The following ADARB2 variants were observed in gnomAD, a reference collection of about 807,000 sequenced individuals.
The protein encoded by ADARB2 is inactive double-stranded RNA-specific editase B2.
ADARB2 carries 25 observed loss-of-function variants against 62.2 expected under a neutral mutation model. That is an observed-to-expected ratio of 0.40 (90% confidence interval 0.29 to 0.56). The LOEUF is 0.56. ADARB2 is among the 20% of genes least tolerant of loss of function. ADARB2 has a pLI of 0.43. For synonymous variants in ADARB2, 572 were observed against 500.8 expected (o/e 1.14, Z -1.90); for missense variants, 1,071 against 1,077.4 (o/e 0.99, Z 0.08).
intron 1 of ADARB2, among the ~76,000 whole-genome samples, chr10:1,431,785 C>A (rs769494755): frequency 6.6e-6 from 1 of 152,070 alleles, no homozygotes; most frequent in African/African-American, 2.4e-5. Context: ...TACTACAGAA[C>A]GTGTAGTTTT....
intron 1 of ADARB2, among the ~76,000 whole-genome samples, chr10:1,724,308 C>T (rs1400651510): frequency 6.6e-6 from 1 of 152,220 alleles, no homozygotes; most frequent in Non-Finnish European, 1.5e-5. Flanking sequence ...TCTTGCCTGG[C>T]TAATTATTCT....
intron 1 of ADARB2, among the ~76,000 whole-genome samples, chr10:1,507,063 G>C (rs1831861762): frequency 6.6e-6 from 1 of 152,232 alleles, no homozygotes; most frequent in Non-Finnish European, 1.5e-5. Context: ...CACCCAGTCT[G>C]TGCCCCGCTG....
At chr10:1,658,979 T>C (rs1304981537) in intron 1 of ADARB2, among the ~76,000 whole-genome samples, 2 of 152,230 alleles carry the variant, frequency 1.3e-5, no homozygotes, top group Non-Finnish European at 2.9e-5. Flanking sequence ...TTCTGTTCAA[T>C]TGAATTCACT....
intron 1 of ADARB2, among the ~76,000 whole-genome samples, chr10:1,728,472 C>G (rs143445714): frequency 6.6e-6 from 1 of 152,140 alleles, no homozygotes; most frequent in Non-Finnish European, 1.5e-5. Context: ...TTTGAATAAA[C>G]GCTTTTGTGC....
intron 1 of ADARB2, among the ~76,000 whole-genome samples, chr10:1,412,885 G>T (rs1179161386): frequency 6.6e-6 from 1 of 152,236 alleles, no homozygotes; most frequent in Non-Finnish European, 1.5e-5. Context: ...CACCCGCAGT[G>T]TTTTTGTGAC....
chr10:1,332,429 A>T (rs1564259977), intron 3 of ADARB2, among the ~76,000 whole-genome samples: 1 of 149,250 alleles, frequency 6.7e-6, no homozygotes, highest in East Asian at 1.9e-4. Context: ...AAAAAAAAAA[A>T]AATAAATAAA....
chr10:1,566,037 T>C (rs1832856905), intron 1 of ADARB2, among the ~76,000 whole-genome samples: 1 of 143,076 alleles, frequency 7.0e-6, no homozygotes, highest in East Asian at 2.0e-4. Flanking sequence ...CATCGTTACT[T>C]CTCCTCTAGG....
At chr10:1,725,719 G>C (rs763496228) in intron 1 of ADARB2, among the ~76,000 whole-genome samples, 1 of 152,244 alleles carries the variant, frequency 6.6e-6, no homozygotes, top group Non-Finnish European at 1.5e-5. Flanking sequence ...AATGTCCTCA[G>C]CCGCAGATGC....
intron 1 of ADARB2, among the ~76,000 whole-genome samples, chr10:1,697,416 A>G (rs974918497): frequency 6.6e-6 from 1 of 152,234 alleles, no homozygotes; most frequent in Non-Finnish European, 1.5e-5. Context: ...CGAGACAGAC[A>G]CAGAGAACAC....
intron 1 of ADARB2, among the ~76,000 whole-genome samples, chr10:1,724,755 C>A (rs915331959): frequency 2.0e-5 from 3 of 152,190 alleles, no homozygotes; most frequent in African/African-American, 7.2e-5. Context: ...GCCACGTCTA[C>A]CCTTTGTGGG....
At chr10:1,533,221 C>T (rs557707643) in intron 1 of ADARB2, among the ~76,000 whole-genome samples, 11 of 151,300 alleles carry the variant, frequency 7.3e-5, no homozygotes, top group Non-Finnish European at 1.0e-4. Flanking sequence ...CTGGTTCGAG[C>T]GATTCTCCTG....
intron 1 of ADARB2, among the ~76,000 whole-genome samples, chr10:1,653,099 A>G (rs998659642): frequency 7.2e-5 from 11 of 152,190 alleles, no homozygotes; most frequent in Admixed American, 2.0e-4. Context: ...GCTGATCCCA[A>G]TGTGAGGCTG....
At chr10:1,710,963 C>T (rs114428617) in intron 1 of ADARB2, among the ~76,000 whole-genome samples, 1,857 of 152,158 alleles carry the variant, frequency 0.012, 43 homozygotes, top group African/African-American at 0.043. Context: ...AATTTTTGGC[C>T]CAACCCCCTG....
chr10:1,681,417 C>T (rs1834535057), intron 1 of ADARB2, among the ~76,000 whole-genome samples: 1 of 152,002 alleles, frequency 6.6e-6, no homozygotes, highest in Admixed American at 6.5e-5. Context: ...CCTGTTATGA[C>T]TCCATTTCTT....
intron 3 of ADARB2, among the ~76,000 whole-genome samples, chr10:1,358,052 A>AACAGAGAGAGAGACAGAGAGAGACAG: frequency 6.6e-6 from 1 of 152,100 alleles, no homozygotes; most frequent in African/African-American, 2.4e-5. Context: ...GAGAGGAAGT[A>AACAGAGAGAGAGACAGAGAGAGACAG]ACAGAGAGAG....
rs191038434 is a variant in ADARB2 at position 1,707,887 on chromosome 10, A to C, written c.100+29164T>G. On this transcript the variant is annotated intron_variant, in intron 1 of 9. Coordinates refer to ENST00000381312, the MANE Select transcript of ADARB2 (RefSeq NM_018702.4). ...CCGGTCCACACACAGCAGAGTCAGC[A>C]CTGGTCAGTGGGAGAGGTTGCAGGG... 5.4e-4 allele frequency among the ~76,000 whole-genome samples: 82 copies of C among 152,286 alleles called. 1 individual carries two copies. Among genetic ancestry groups the C allele is most frequent in the African/African-American group, 1.5e-3 (63 of 41,560 alleles).
intron 1 of ADARB2, among the ~76,000 whole-genome samples, chr10:1,417,351 C>T (rs1832813061): frequency 6.6e-6 from 1 of 151,694 alleles, no homozygotes; most frequent in South Asian, 2.1e-4. Context: ...ACTAGATGGT[C>T]AGGAAGTCGG....
rs1564295506 is a variant in ADARB2 at position 1,459,944 on chromosome 10, T to TTACCTGTGTA, written c.101-80785_101-80784insTACACAGGTA. On this transcript the variant is annotated intron_variant, in intron 1 of 9. Transcript: ENST00000381312. ...GCCTGTGACCTGAGTTTACCTGCGT[T>TTACCTGTGTA]ACGAACCTGCCTGTGACCTGAGTTT... Among the ~76,000 whole-genome samples the TTACCTGTGTA allele has an allele frequency of 1.2e-3, 126 of 103,466 alleles. 1 individual carries two copies. Among genetic ancestry groups the TTACCTGTGTA allele is most frequent in the Middle Eastern group, 5.8e-3 (1 of 172 alleles). The allele number at this position is 103,466 out of a possible 152,430, so 67.9% of individuals were successfully genotyped here.
chr10:1,593,975 C>T (rs937396002), intron 1 of ADARB2, among the ~76,000 whole-genome samples: 10 of 152,118 alleles, frequency 6.6e-5, no homozygotes, highest in Non-Finnish European at 1.3e-4. Context: ...TGCGGCTTGT[C>T]CTCCTGATGT....
Sources: gnomAD v4.1 joint callset for allele counts (sites outside exome capture counted in the v4.1 genomes callset) on GRCh38, gnomAD v4.1.1 for gene constraint, MANE v1.5 for transcripts, NCBI Gene and HGNC (gene_info 2026-07-23, HGNC 2026-07-21) for gene names.